CELF2: variants seen among roughly 807,000 people sequenced by gnomAD.
CELF2 encodes the protein CUG triplet repeat RNA-binding protein 2.
In CELF2, 8 loss-of-function variants were observed where a neutral mutation model predicts 62.6. The ratio of observed to expected loss-of-function variants is 0.13; its 90% CI spans 0.07 to 0.23. CELF2 has a LOEUF of 0.23. Ranked by LOEUF, CELF2 falls within the 10% of genes least tolerant of loss-of-function variation. The probability of loss-of-function intolerance (pLI) is 1.00; values close to 1 mark genes in which losing one functional copy is unlikely to be tolerated. For synonymous variants in CELF2, 258 were observed against 250.0 expected (o/e 1.03, Z -0.30); for missense variants, 333 against 671.0 (o/e 0.50, Z 5.56).
At position 11,329,589 on chromosome 10, in the gene CELF2, A is replaced by G. The variant is rs1391918158; in HGVS notation, c.*536A>G. 1.3e-5 allele frequency: 2 copies of G among 152,598 alleles called. No individual in the cohort carries two copies. Among genetic ancestry groups the G allele is most frequent in the African/African-American group, 2.4e-5 (1 of 41,434 alleles). The allele number at this position is 152,598 out of a possible 1,614,324, so 9.5% of individuals were successfully genotyped here. On this transcript the variant is annotated 3_prime_UTR_variant, in exon 13 of 13. Coordinates refer to ENST00000633077, the MANE Select transcript of CELF2 (RefSeq NM_001326342.2). The surrounding 1 kb of genome is among the most constrained non-coding windows in gnomAD (Gnocchi z 5.5). ...GAAGCCAGGAGAAGCACTTACTCCA[A>G]CCACACGTCTTTCCACTACATCGGC...
At chr10:11,065,482 TAGTG>T (rs747451823) in intron 1 of CELF2, among the ~76,000 whole-genome samples, 1 of 152,174 alleles carries the variant, frequency 6.6e-6, no homozygotes, top group Non-Finnish European at 1.5e-5. Flanking sequence ...GTGAACCATC[TAGTG>T]TGATGGTTAG....
intron 2 of CELF2, among the ~76,000 whole-genome samples, chr10:10,949,826 CAAAAAAAAAAAA>C: frequency 1.2e-5 from 1 of 82,236 alleles, no homozygotes; most frequent in South Asian, 4.2e-4. Context: ...ACACACACAC[CAAAAAAAAAAAA>C]AAAAAAAAAA....
chr10:10,519,188 T>C, the CELF2 span, among the ~76,000 whole-genome samples: 22 of 152,310 alleles, frequency 1.4e-4, 1 homozygote, highest in East Asian at 4.2e-3. Flanking sequence ...TTTGCCTGTC[T>C]GGGTCCAGGT....
At chr10:10,971,594 T>A (rs1224157715) in intron 2 of CELF2, among the ~76,000 whole-genome samples, 1 of 152,160 alleles carries the variant, frequency 6.6e-6, no homozygotes, top group Non-Finnish European at 1.5e-5. Flanking sequence ...TTTTTGTTGT[T>A]GTTTTGTTTA....
At chr10:10,871,245 A>G (rs2060728082) in intron 1 of CELF2, among the ~76,000 whole-genome samples, 1 of 152,184 alleles carries the variant, frequency 6.6e-6, no homozygotes, top group Non-Finnish European at 1.5e-5. Flanking sequence ...TTCCCTGAGC[A>G]TTCCTCATTA....
chr10:10,919,950 T>C lies in CELF2; in HGVS notation c.54-14T>C, dbSNP rs2064731479. 2.4e-6 allele frequency: 3 copies of C among 1,230,754 alleles called. No homozygotes were observed. The Admixed American group carries it at 1.3e-4, about 52-fold the overall frequency. The allele number at this position is 1,230,754 out of a possible 1,614,324, so 76.2% of individuals were successfully genotyped here. A position where few individuals can be genotyped will look rare whatever the true frequency, so the allele number is the denominator to read the frequency against. ...AACTTAATCATACTTATCTTCTTTTTCTCCTTCCTGCAGAGAGACGGCCAC... is the reference window on the plus strand; with the variant it reads ...AACTTAATCATACTTATCTTCTTTTCCTCCTTCCTGCAGAGAGACGGCCAC... On this transcript the variant is annotated splice_polypyrimidine_tract_variant and intron_variant, in intron 1 of 13. Transcript: ENST00000636488.
At chr10:10,742,267 C>A in the CELF2 span, among the ~76,000 whole-genome samples, 1 of 152,100 alleles carries the variant, frequency 6.6e-6, no homozygotes, top group African/African-American at 2.4e-5. Context: ...AACCTATTAA[C>A]AAGGTTAAAT....
chr10:10,614,520 T>G, the CELF2 span, among the ~76,000 whole-genome samples: 1 of 152,110 alleles, frequency 6.6e-6, no homozygotes, highest in South Asian at 2.1e-4. Flanking sequence ...GTTGTAAAAT[T>G]CCACTGTCTT....
chr10:10,945,072 G>A (rs1290940870), intron 2 of CELF2, among the ~76,000 whole-genome samples: 2 of 152,194 alleles, frequency 1.3e-5, no homozygotes, highest in Non-Finnish European at 2.9e-5. Flanking sequence ...AAGGATGGAA[G>A]CAGGAAAGCA....
Position 10,995,889 on chromosome 10 carries a change from A to T in CELF2, c.89+75890A>T, listed in dbSNP as rs2053897747. 6.6e-6 allele frequency among the ~76,000 whole-genome samples: 1 copy of T among 152,184 alleles called. No homozygotes were observed. The highest frequency in any genetic ancestry group is 6.5e-5 in the Admixed American group (1 of 15,276). ...TTCTAGTTTCTATATATTTATGTTC[A>T]TCAAATTATGCATTGGTTCTGGAAT... On this transcript the variant is annotated intron_variant, in intron 2 of 13. Transcript: ENST00000636488. The surrounding 1 kb of genome is among the most constrained non-coding windows in gnomAD (Gnocchi z 4.7).
At chr10:11,293,250 C>T (rs1293932091) in intron 9 of CELF2, among the ~76,000 whole-genome samples, 3 of 152,230 alleles carry the variant, frequency 2.0e-5, no homozygotes, top group African/African-American at 7.2e-5. Context: ...AGTGCTCATT[C>T]TTGAGAATAG....
intron 1 of CELF2, among the ~76,000 whole-genome samples, chr10:11,135,983 C>T (rs1037045526): frequency 6.6e-6 from 1 of 152,294 alleles, no homozygotes; most frequent in African/African-American, 2.4e-5. Flanking sequence ...AGAATAGTTA[C>T]GTCCATTCAG....
Position 11,217,140 on chromosome 10 carries a change from C to G in CELF2, c.272-285C>G, listed in dbSNP as rs2063560025. Among the ~76,000 whole-genome samples, 2 of 152,180 alleles carry G rather than the reference C, an allele frequency of 1.3e-5. No homozygotes were observed. Among genetic ancestry groups the G allele is most frequent in the Non-Finnish European group, 2.9e-5 (2 of 68,036 alleles). ...AACACAGGTCCCATTCACATCTCAC[C>G]CATTCCTCCACCACCTCCCACCCTC... On this transcript the variant is annotated intron_variant, in intron 2 of 12. Coordinates refer to ENST00000633077, the MANE Select transcript of CELF2 (RefSeq NM_001326342.2). This position sits in a 1 kb window ranked among gnomAD's most constrained non-coding sequence, Gnocchi z 5.6.
the CELF2 span, among the ~76,000 whole-genome samples, chr10:10,692,065 A>C: frequency 6.6e-6 from 1 of 150,418 alleles, no homozygotes; most frequent in South Asian, 2.1e-4. Context: ...TTGGTGTTTT[A>C]GACATGAAGT....
At chr10:10,773,438 A>T in the CELF2 span, among the ~76,000 whole-genome samples, 75 of 152,248 alleles carry the variant, frequency 4.9e-4, 1 homozygote, top group Non-Finnish European at 9.3e-4. Flanking sequence ...TGATTTAATT[A>T]TAACATTCAA....
At chr10:10,625,301 A>C in the CELF2 span, among the ~76,000 whole-genome samples, 1,433 of 152,356 alleles carry the variant, frequency 9.4e-3, 27 homozygotes, top group African/African-American at 0.032. Flanking sequence ...TAATAACCAC[A>C]AGAACGGCAA....
At position 11,165,414 on chromosome 10, in the gene CELF2, A is replaced by AC. The variant is rs1278187143; in HGVS notation, c.75-67dup. 4 of 1,303,774 alleles carry AC rather than the reference A, an allele frequency of 3.1e-6. No individual in the cohort carries two copies. Among genetic ancestry groups the AC allele is most frequent in the African/African-American group, 3.1e-5 (2 of 63,506 alleles). 80.8% of individuals were successfully genotyped at this position (1,303,774 alleles called of 1,614,324 possible). The stretch of plus-strand genomic sequence containing the variant: ...CCTCCTTCCGCCTCCCCGCTCCCCC[A>AC]CCCCCACTATTTTTTCTTCCTGTCC... On this transcript the variant is annotated intron_variant, in intron 1 of 12. Transcript: ENST00000633077. The surrounding 1 kb of genome is among the most constrained non-coding windows in gnomAD (Gnocchi z 7.4).
At chr10:10,690,048 T>A in the CELF2 span, among the ~76,000 whole-genome samples, 4 of 152,316 alleles carry the variant, frequency 2.6e-5, 1 homozygote, top group East Asian at 7.7e-4. Context: ...TAAGCTATAA[T>A]GTCCATATAT....
chr10:10,753,778 TA>T, the CELF2 span, among the ~76,000 whole-genome samples: 1 of 152,250 alleles, frequency 6.6e-6, no homozygotes, highest in East Asian at 1.9e-4. Context: ...AACTAAAGTT[TA>T]TGCATTGAAC....
Sources: gnomAD v4.1 joint callset for allele counts (sites outside exome capture counted in the v4.1 genomes callset) on GRCh38, gnomAD v4.1.1 for gene constraint, Gnocchi (gnomAD v3.1) non-coding constraint, MANE v1.5 for transcripts, NCBI Gene and HGNC (gene_info 2026-07-23, HGNC 2026-07-21) for gene names.